Variants in MAD1L1 observed in about 807,000 individuals in gnomAD.
The protein encoded by MAD1L1 is mitotic arrest deficient 1 like 1, also known as mitotic spindle assembly checkpoint protein MAD1.
In MAD1L1, 95 loss-of-function variants were observed where a neutral mutation model predicts 96.9. The observed-to-expected ratio is 0.98, with a 90% confidence interval of 0.83 to 1.16. MAD1L1 has a LOEUF of 1.16. MAD1L1 is among the 50% of genes most tolerant of loss of function. The probability of loss-of-function intolerance (pLI) is 0.00; values close to 1 mark genes in which losing one functional copy is unlikely to be tolerated. For synonymous variants in MAD1L1, 473 were observed against 396.6 expected, an observed-to-expected ratio of 1.19 and a Z score of -2.29; for missense variants, 1,007 against 954.4, an observed-to-expected ratio of 1.06 and a Z score of -0.73.
rs188593948 is a variant in MAD1L1 at position 1,983,242 on chromosome 7, T to G, written c.1417-2701A>C. Among the ~76,000 whole-genome samples, 617 of 151,928 alleles carry G rather than the reference T, an allele frequency of 4.1e-3. 5 individuals are homozygous for G. The highest frequency in any genetic ancestry group is 0.014 in the African/African-American group (588 of 41,468). On this transcript the variant is annotated intron_variant, in intron 14 of 18. Coordinates refer to ENST00000265854, the MANE Select transcript of MAD1L1 (RefSeq NM_001013836.2). ...GTCAATACAACACTTCCAGAATGCC[T>G]TCCCCTCCTTTTCCCACAGTCTGAA...
chr7:2,081,494 G>A (rs7778920), intron 11 of MAD1L1, among the ~76,000 whole-genome samples: 2 of 152,196 alleles, frequency 1.3e-5, no homozygotes, highest in African/African-American at 4.8e-5. Context: ...GAGGGACTGT[G>A]GGTCTCAGGG....
At chr7:1,843,630 G>T (rs986958846) in intron 18 of MAD1L1, among the ~76,000 whole-genome samples, 4 of 152,166 alleles carry the variant, frequency 2.6e-5, no homozygotes, top group Admixed American at 2.6e-4. Context: ...TTCCTCCTGG[G>T]GGCCTCCTTC....
chr7:1,852,791 C>A (rs4605956), intron 18 of MAD1L1, among the ~76,000 whole-genome samples: 1 of 152,118 alleles, frequency 6.6e-6, no homozygotes, highest in Non-Finnish European at 1.5e-5. Flanking sequence ...CCAGCCAAGA[C>A]GCCCTGCTGG....
intron 13 of MAD1L1, among the ~76,000 whole-genome samples, chr7:2,006,673 G>C (rs1782045165): frequency 6.7e-6 from 1 of 149,978 alleles, no homozygotes; most frequent in Non-Finnish European, 1.5e-5. Flanking sequence ...CCCAACACAG[G>C]AGAGACAGGA....
intron 15 of MAD1L1, among the ~76,000 whole-genome samples, chr7:1,976,464 T>C (rs542148609): frequency 3.9e-5 from 6 of 152,338 alleles, no homozygotes; most frequent in African/African-American, 1.4e-4. Flanking sequence ...AGTGGGTTCG[T>C]GGTCTTGCCG....
intron 12 of MAD1L1, among the ~76,000 whole-genome samples, chr7:2,043,196 C>T (rs543692188): frequency 2.3e-4 from 35 of 152,322 alleles, no homozygotes; most frequent in Admixed American, 1.0e-3. Context: ...TACAAGAAAA[C>T]GACCCTGCCA....
intron 18 of MAD1L1, among the ~76,000 whole-genome samples, chr7:1,832,617 G>GTCTTT (rs1782750847): frequency 2.0e-5 from 1 of 48,938 alleles, no homozygotes; most frequent in African/African-American, 1.1e-4. Context: ...TCATTGCTGT[G>GTCTTT]TTTTTTTTTT....
intron 17 of MAD1L1, among the ~76,000 whole-genome samples, chr7:1,922,236 CGCGTCTTTACTGCGCT>C (rs1466410284): frequency 1.3e-5 from 2 of 152,238 alleles, no homozygotes; most frequent in Admixed American, 6.5e-5. Flanking sequence ...CTGGCCGCGC[CGCGTCTTTACTGCGCT>C]GCACCCCACG....
chr7:1,831,103 C>T (rs1782681867), intron 18 of MAD1L1, among the ~76,000 whole-genome samples: 1 of 152,298 alleles, frequency 6.6e-6, no homozygotes, highest in African/African-American at 2.4e-5. Flanking sequence ...CACCTCGCTT[C>T]ATCCGTGGCC....
At chr7:2,056,788 G>A (rs912918313) in intron 12 of MAD1L1, among the ~76,000 whole-genome samples, 17 of 152,320 alleles carry the variant, frequency 1.1e-4, no homozygotes, top group African/African-American at 1.4e-4. Context: ...CTACACAAGC[G>A]GCCGATCGCG....
At chr7:1,823,013 C>T (rs1481593936) in intron 18 of MAD1L1, among the ~76,000 whole-genome samples, 1 of 152,028 alleles carries the variant, frequency 6.6e-6, no homozygotes, top group African/African-American at 2.4e-5. Flanking sequence ...AGTGGGACTT[C>T]GTTTAGGTGT....
rs1779784201 is a variant in MAD1L1 at position 1,957,660 on chromosome 7, A to G, written c.1565T>C (p.Leu522Pro). ...RSRLEEEKRM[L>P]EAQLERRALQ... ...AGCTCGCCGCTCCAGCTGTGCCTCC[A>G]GCATCCTCTTTTCCTCCTCCAGCCG... The change falls in exon 16 of 19, where the codon CTG becomes CCG. Residue 522 changes from leucine to proline, a missense_variant. Physicochemically the swap from Leu to Pro is moderately conservative, Grantham distance 98 (BLOSUM62 -3). Coordinates refer to ENST00000265854, the MANE Select transcript of MAD1L1 (RefSeq NM_001013836.2). 1 of 1,614,066 alleles carries G rather than the reference A, an allele frequency of 6.2e-7. No homozygotes were observed. The highest frequency in any genetic ancestry group is 8.5e-7 in the Non-Finnish European group (1 of 1,180,022).
chr7:1,940,812 A>G (rs946248119), intron 16 of MAD1L1, among the ~76,000 whole-genome samples: 7 of 152,248 alleles, frequency 4.6e-5, no homozygotes, highest in Admixed American at 4.6e-4. Flanking sequence ...AAAATGTACA[A>G]CGGTTCTTAG....
chr7:1,828,744 C>G (rs1244708416), intron 18 of MAD1L1, among the ~76,000 whole-genome samples: 2 of 135,624 alleles, frequency 1.5e-5, no homozygotes, highest in Non-Finnish European at 3.3e-5. Context: ...CATGCACACA[C>G]AGCCTCGCAG....
rs1318165427 is a variant in MAD1L1, at chr7:2,086,057, C to G, written c.1074-16719G>C. Reference sequence around the variant, plus strand: ...CTACCCCCAGGAATCCCACCCTGCCCGGGAGGACTCCACGCTGCGGGGGAG... The same window carrying G: ...CTACCCCCAGGAATCCCACCCTGCCGGGGAGGACTCCACGCTGCGGGGGAG... On this transcript the variant is annotated intron_variant, in intron 11 of 18. Transcript: ENST00000265854. Among the ~76,000 whole-genome samples the G allele has an allele frequency of 2.0e-5, 3 of 152,326 alleles. No homozygotes were observed. In the South Asian group the frequency reaches 6.2e-4, roughly 32 times the overall value.
intron 11 of MAD1L1, among the ~76,000 whole-genome samples, chr7:2,074,166 G>T (rs1326053281): frequency 6.6e-6 from 1 of 152,178 alleles, no homozygotes; most frequent in Non-Finnish European, 1.5e-5. Flanking sequence ...AGCAGAGATG[G>T]CAGCACGGAA....
chr7:2,201,116 A>G (rs1399843753), intron 10 of MAD1L1, among the ~76,000 whole-genome samples: 1 of 152,154 alleles, frequency 6.6e-6, no homozygotes, highest in Non-Finnish European at 1.5e-5. Context: ...CCCAAAGCTG[A>G]CGTTGAGGAA....
At chr7:2,217,837 C>G (rs948012696) in intron 7 of MAD1L1, 125 bp downstream of exon 7, 2 of 793,536 alleles carry the variant, frequency 2.5e-6, no homozygotes, top group African/African-American at 3.4e-5. Context: ...GCCCAACACA[C>G]AGGGCAGCAG....
intron 12 of MAD1L1, among the ~76,000 whole-genome samples, chr7:2,057,924 C>A (rs1485903207): frequency 2.6e-5 from 4 of 152,186 alleles, no homozygotes; most frequent in Non-Finnish European, 5.9e-5. Context: ...TCCTCCATGA[C>A]ACTGCACCTG....
Sources: allele counts gnomAD v4.1 joint callset (sites outside exome capture counted in the v4.1 genomes callset), GRCh38; gene constraint gnomAD v4.1.1; transcripts MANE v1.5; gene names NCBI Gene and HGNC (gene_info 2026-07-23, HGNC 2026-07-21).